Variants in KLF8 observed in about 807,000 individuals in gnomAD.
KLF8 encodes the protein KLF transcription factor 8.
Under a neutral mutation model 18.2 loss-of-function variants are expected in KLF8, and 10 were observed. That is an observed-to-expected ratio of 0.55 (90% CI 0.34 to 0.93). The LOEUF is 0.93. KLF8 is among the 40% of genes least tolerant of loss of function. KLF8 has a pLI of 0.02. For synonymous variants in KLF8, 109 were observed against 97.3 expected, an observed-to-expected ratio of 1.12 and a Z score of -0.71; for missense variants, 264 against 277.9, an observed-to-expected ratio of 0.95 and a Z score of 0.36.
At chrX:56,008,982 C>T in the KLF8 span, among the ~76,000 whole-genome samples, 1 of 111,664 alleles carries the variant, frequency 9.0e-6, no homozygotes, top group Non-Finnish European at 1.9e-5. Flanking sequence ...CCATGGATGC[C>T]ATGGATTAGT....
chrX:56,069,900 G>A, the KLF8 span, among the ~76,000 whole-genome samples: 1 of 112,173 alleles, frequency 8.9e-6, no homozygotes, highest in African/African-American at 3.2e-5. Context: ...CCCATTGCTG[G>A]GTATATACCC....
At chrX:56,274,032 T>C (rs1344539770) in intron 5 of KLF8, among the ~76,000 whole-genome samples, 1 of 112,265 alleles carries the variant, frequency 8.9e-6, no homozygotes, top group Non-Finnish European at 1.9e-5. Flanking sequence ...CTTTTGGATA[T>C]ATAACCAGCA....
intron 2 of KLF8, among the ~76,000 whole-genome samples, chrX:56,260,995 T>C (rs992984122): frequency 8.9e-6 from 1 of 111,734 alleles, no homozygotes; most frequent in Non-Finnish European, 1.9e-5. Flanking sequence ...ACATGAAAAA[T>C]GGAAACTTTG....
At chrX:55,932,862 C>T in the KLF8 span, among the ~76,000 whole-genome samples, 1 of 111,413 alleles carries the variant, frequency 9.0e-6, no homozygotes. Flanking sequence ...TTGCTCTTCT[C>T]GAGGAGTATC....
the KLF8 span, among the ~76,000 whole-genome samples, chrX:56,090,485 T>C: frequency 8.9e-6 from 1 of 112,004 alleles, no homozygotes; most frequent in Admixed American, 9.4e-5. Context: ...AACCAGGAAT[T>C]TTAATAGCTA....
At chrX:56,110,351 T>G in the KLF8 span, among the ~76,000 whole-genome samples, 1 of 111,794 alleles carries the variant, frequency 8.9e-6, no homozygotes, top group African/African-American at 3.3e-5. Context: ...ATTATTCAAG[T>G]CTTTTGTCTC....
At chrX:56,174,796 G>A in the KLF8 span, among the ~76,000 whole-genome samples, 1 of 111,587 alleles carries the variant, frequency 9.0e-6, no homozygotes, top group Non-Finnish European at 1.9e-5. Flanking sequence ...TCTATTCAGA[G>A]ATTCAACTTC....
At chrX:56,057,298 C>T in the KLF8 span, among the ~76,000 whole-genome samples, 1 of 111,263 alleles carries the variant, frequency 9.0e-6, no homozygotes, top group African/African-American at 3.3e-5. Context: ...CTTGCTGATT[C>T]TGTGCTTGCC....
At chrX:56,135,306 T>A in the KLF8 span, among the ~76,000 whole-genome samples, 4 of 111,391 alleles carry the variant, frequency 3.6e-5, no homozygotes, top group African/African-American at 6.5e-5. Flanking sequence ...CAACCCAAAT[T>A]TCCAACAATC....
the KLF8 span, among the ~76,000 whole-genome samples, chrX:55,925,877 G>C: frequency 8.9e-6 from 1 of 112,028 alleles, no homozygotes; most frequent in Non-Finnish European, 1.9e-5. Flanking sequence ...TTAAATTCTT[G>C]TGGGTACATA....
At chrX:56,229,752 G>C (rs1034287760), upstream of KLF8, among the ~76,000 whole-genome samples, 1 of 111,682 alleles carries the variant, frequency 9.0e-6, no homozygotes, top group African/African-American at 3.3e-5. Context: ...GGCTGTGTGC[G>C]TACAGTGAAA....
the KLF8 span, among the ~76,000 whole-genome samples, chrX:55,986,757 C>T: frequency 1.8e-5 from 2 of 111,858 alleles, no homozygotes; most frequent in East Asian, 5.5e-4. Context: ...GGGTAAATTG[C>T]ATGTCATGGG....
At chrX:56,046,440 T>G in the KLF8 span, among the ~76,000 whole-genome samples, 5 of 111,456 alleles carry the variant, frequency 4.5e-5, no homozygotes, top group Non-Finnish European at 9.4e-5. Flanking sequence ...ACTATTTTAT[T>G]CATTGTGCTA....
the KLF8 span, among the ~76,000 whole-genome samples, chrX:56,135,835 A>G: frequency 3.6e-5 from 4 of 112,216 alleles, no homozygotes; most frequent in Non-Finnish European, 7.5e-5. Context: ...AAAACAAATA[A>G]CATACCAGAA....
the KLF8 span, among the ~76,000 whole-genome samples, chrX:56,150,840 G>C: frequency 1.8e-5 from 2 of 111,424 alleles, no homozygotes; most frequent in African/African-American, 6.5e-5. Flanking sequence ...TGAAAGGAGG[G>C]TTTTTTGCTG....
chrX:56,136,932 A>C, the KLF8 span, among the ~76,000 whole-genome samples: 1 of 111,980 alleles, frequency 8.9e-6, no homozygotes, highest in African/African-American at 3.2e-5. Context: ...ACCCCATCAA[A>C]AAGTGGGCAA....
At chrX:56,080,382 G>A in the KLF8 span, among the ~76,000 whole-genome samples, 90 of 110,813 alleles carry the variant, frequency 8.1e-4, no homozygotes, top group African/African-American at 2.5e-3. Flanking sequence ...TGTCTGTAAA[G>A]GATTTTATTT....
At chrX:56,166,974 G>A in the KLF8 span, among the ~76,000 whole-genome samples, 1 of 111,416 alleles carries the variant, frequency 9.0e-6, no homozygotes, top group Non-Finnish European at 1.9e-5. Context: ...TGATGCATGT[G>A]TTTGGAAACA....
the KLF8 span, among the ~76,000 whole-genome samples, chrX:55,917,050 A>T: frequency 8.9e-6 from 1 of 112,062 alleles, no homozygotes; most frequent in Non-Finnish European, 1.9e-5. Flanking sequence ...AGATCTTGGG[A>T]TAGATTTTTT....
Sources: gnomAD v4.1 joint callset for allele counts (sites outside exome capture counted in the v4.1 genomes callset) on GRCh38, gnomAD v4.1.1 for gene constraint, MANE v1.5 for transcripts, NCBI Gene and HGNC (gene_info 2026-07-23, HGNC 2026-07-21) for gene names.